Variants in BTG4 observed in about 807,000 individuals in gnomAD.
BTG4 encodes the protein BTG anti-proliferation factor 4, also known as protein BTG4.
A neutral mutation model predicts 19.3 loss-of-function variants in BTG4; 10 were observed. That is an observed-to-expected ratio of 0.52 (90% confidence interval 0.32 to 0.88). The LOEUF (loss-of-function observed/expected upper bound fraction) is 0.88, where lower values mean the gene tolerates loss of function less well. Among genes scored for constraint, BTG4 ranks in the 40% least tolerant of loss-of-function variants. The probability of loss-of-function intolerance (pLI) is 0.04; values close to 1 mark genes in which losing one functional copy is unlikely to be tolerated. For synonymous variants in BTG4, 91 were observed against 95.7 expected (o/e 0.95, Z 0.29); for missense variants, 238 against 281.9 (o/e 0.84, Z 1.11).
chr11:111,431,388 C>T, the BTG4 span, among the ~76,000 whole-genome samples: 1 of 152,148 alleles, frequency 6.6e-6, no homozygotes, highest in Admixed American at 6.5e-5. Context: ...GCCATTATTA[C>T]CGCTTCATAG....
chr11:111,490,151 G>A (rs1027852701), downstream of BTG4, among the ~76,000 whole-genome samples: 5 of 151,150 alleles, frequency 3.3e-5, no homozygotes, highest in Admixed American at 3.3e-4. Flanking sequence ...GTGTGGTGGC[G>A]GGCACGTGCT....
At chr11:111,465,468 A>C (rs1863666866), downstream of BTG4, among the ~76,000 whole-genome samples, 2 of 152,234 alleles carry the variant, frequency 1.3e-5, no homozygotes, top group Admixed American at 6.5e-5. Context: ...CTAACTCTTT[A>C]GATGTATTAA....
upstream of BTG4, chr11:111,514,648 G>A: frequency 3.0e-6 from 2 of 666,610 alleles, no homozygotes; most frequent in East Asian, 2.7e-5. Flanking sequence ...CCACGCGCGT[G>A]GCGGATCCCA....
At chr11:111,440,282 A>C in the BTG4 span, among the ~76,000 whole-genome samples, 2 of 152,190 alleles carry the variant, frequency 1.3e-5, no homozygotes, top group African/African-American at 2.4e-5. Context: ...TAGGCTCTAA[A>C]ATCCCAGAAT....
At chr11:111,436,525 C>T in the BTG4 span, among the ~76,000 whole-genome samples, 1 of 151,868 alleles carries the variant, frequency 6.6e-6, no homozygotes, top group Admixed American at 6.6e-5. Context: ...ACTCAGGGGG[C>T]TGAGGCAGAG....
chr11:111,509,361 G>T (rs1407367448), intron 1 of BTG4, among the ~76,000 whole-genome samples: 1 of 152,008 alleles, frequency 6.6e-6, no homozygotes. Context: ...CCAAGATATG[G>T]TTTTATATTT....
At chr11:111,483,789 C>T (rs892539661) in intron 5 of BTG4, among the ~76,000 whole-genome samples, 4 of 151,972 alleles carry the variant, frequency 2.6e-5, no homozygotes, top group African/African-American at 7.2e-5. Flanking sequence ...CAAAGAGAGA[C>T]AGAGAGAAAT....
downstream of BTG4, among the ~76,000 whole-genome samples, chr11:111,494,452 A>G (rs867244456): frequency 6.6e-6 from 1 of 152,238 alleles, no homozygotes; most frequent in Non-Finnish European, 1.5e-5. Flanking sequence ...TCCTAATTTT[A>G]AAATCTATAA....
chr11:111,500,277 T>C (rs1865987235), intron 1 of BTG4, among the ~76,000 whole-genome samples: 1 of 152,230 alleles, frequency 6.6e-6, no homozygotes, highest in Non-Finnish European at 1.5e-5. Flanking sequence ...TAATACCCAT[T>C]AAGCGTTAAG....
At chr11:111,412,523 A>G in the BTG4 span, among the ~76,000 whole-genome samples, 1 of 152,208 alleles carries the variant, frequency 6.6e-6, no homozygotes. Context: ...CACTTTCAAA[A>G]GGGTTTGAGG....
chr11:111,435,690 C>T, the BTG4 span, among the ~76,000 whole-genome samples: 3 of 152,122 alleles, frequency 2.0e-5, no homozygotes, highest in African/African-American at 7.2e-5. Context: ...AAGGGGGAAA[C>T]GTAGATCCCC....
At chr11:111,428,320 C>G in the BTG4 span, among the ~76,000 whole-genome samples, 1 of 148,274 alleles carries the variant, frequency 6.7e-6, no homozygotes, top group African/African-American at 2.5e-5. Flanking sequence ...TCTATGATGA[C>G]GTCACAAAGA....
At chr11:111,458,194 A>C in the BTG4 span, 1 of 152,854 alleles carries the variant, frequency 6.5e-6, no homozygotes, top group Admixed American at 6.5e-5. Flanking sequence ...TGGTGACAGC[A>C]GATGACATTG....
the BTG4 span, among the ~76,000 whole-genome samples, chr11:111,404,367 C>T: frequency 3.3e-5 from 5 of 152,254 alleles, no homozygotes; most frequent in African/African-American, 1.2e-4. Flanking sequence ...AGAGAGTAAG[C>T]AACTTACCCA....
chr11:111,453,366 C>T, the BTG4 span: 1 of 423,662 alleles, frequency 2.4e-6, no homozygotes, highest in Middle Eastern at 3.4e-4. Flanking sequence ...GCTGCTCCCT[C>T]AGCTCGCCCT....
At chr11:111,434,727 G>A in the BTG4 span, among the ~76,000 whole-genome samples, 7 of 151,202 alleles carry the variant, frequency 4.6e-5, no homozygotes, top group South Asian at 4.2e-4. Flanking sequence ...AAGTTTGTCC[G>A]TAGTGAATTA....
At chr11:111,471,695 T>C (rs779317284) in intron 5 of BTG4, among the ~76,000 whole-genome samples, 13 of 152,194 alleles carry the variant, frequency 8.5e-5, no homozygotes, top group Non-Finnish European at 1.3e-4. Context: ...CTCATCTATA[T>C]GTCAATGACC....
At chr11:111,388,336 T>G in the BTG4 span, among the ~76,000 whole-genome samples, 5 of 141,992 alleles carry the variant, frequency 3.5e-5, no homozygotes, top group East Asian at 2.0e-4. Flanking sequence ...GAGGTGTGTG[T>G]TTTTTTTTTT....
chr11:111,428,979 C>T, the BTG4 span, among the ~76,000 whole-genome samples: 1 of 152,200 alleles, frequency 6.6e-6, no homozygotes, highest in Non-Finnish European at 1.5e-5. Flanking sequence ...TTCCAAACAT[C>T]GTTCTGAGCT....
Sources: gnomAD v4.1 joint callset for allele counts (sites outside exome capture counted in the v4.1 genomes callset) on GRCh38, gnomAD v4.1.1 for gene constraint, MANE v1.5 for transcripts, NCBI Gene and HGNC (gene_info 2026-07-23, HGNC 2026-07-21) for gene names.